STOML3: variants seen among roughly 807,000 people sequenced by gnomAD.
The protein encoded by STOML3 is stomatin like 3.
In STOML3, 31 loss-of-function variants were observed where a neutral mutation model predicts 29.5. The ratio of observed to expected loss-of-function variants is 1.05; its 90% confidence interval spans 0.79 to 1.42. The LOEUF is 1.42. Among genes scored for constraint, STOML3 ranks in the 40% most tolerant of loss-of-function variants. STOML3 has a pLI of 0.00. For missense variants in STOML3, 380 were observed against 363.0 expected (o/e 1.05, Z -0.38); for synonymous variants, 122 against 139.8 (o/e 0.87, Z 0.90).
intron 1 of STOML3, 116 bp downstream of exon 1, chr13:38,990,554 T>G (rs928065048): frequency 1.1e-5 from 11 of 979,206 alleles, no homozygotes; most frequent in Middle Eastern, 4.5e-4. Context: ...TAAATGAAAT[T>G]GAGGCCGATT....
intron 1 of STOML3, among the ~76,000 whole-genome samples, chr13:38,981,130 C>G (rs17058909): frequency 0.12 from 17,759 of 152,202 alleles, 1,443 homozygotes; most frequent in African/African-American, 0.22. Context: ...AAAGCCAACT[C>G]TTCATCTTGC....
chr13:38,988,660 T>C (rs1370982461), intron 1 of STOML3, among the ~76,000 whole-genome samples: 1 of 134,022 alleles, frequency 7.5e-6, no homozygotes, highest in Non-Finnish European at 1.6e-5. Flanking sequence ...TTATATATAT[T>C]ATATATTGAA....
At chr13:38,974,534 T>C (rs1881001291) in intron 3 of STOML3, among the ~76,000 whole-genome samples, 1 of 152,180 alleles carries the variant, frequency 6.6e-6, no homozygotes, top group Non-Finnish European at 1.5e-5. Flanking sequence ...GTAGTGAAGA[T>C]TAAGCATGAT....
intron 1 of STOML3, among the ~76,000 whole-genome samples, chr13:38,989,361 G>A (rs1381682454): frequency 6.6e-6 from 1 of 151,720 alleles, no homozygotes; most frequent in East Asian, 1.9e-4. Flanking sequence ...ATAAATAAGG[G>A]GACTCTTGAG....
chr13:38,974,479 G>C (rs142104618), intron 3 of STOML3, among the ~76,000 whole-genome samples: 3 of 152,188 alleles, frequency 2.0e-5, no homozygotes, highest in Non-Finnish European at 4.4e-5. Context: ...CTTGTGACCA[G>C]GGAAAACTCA....
intron 1 of STOML3, among the ~76,000 whole-genome samples, chr13:38,987,753 ATGTATATTATATAATATATACTATTG>A (rs1258368659): frequency 1.6e-5 from 2 of 122,576 alleles, no homozygotes; most frequent in African/African-American, 6.3e-5. Flanking sequence ...AATATATAGT[ATGTATATTATATAATATATACTATTG>A]TGTATATATT....
chr13:38,975,672 G>C (rs1881048334), intron 3 of STOML3, among the ~76,000 whole-genome samples: 1 of 152,008 alleles, frequency 6.6e-6, no homozygotes, highest in South Asian at 2.1e-4. Context: ...CCATATTTGG[G>C]AGTCAAAACA....
At chr13:38,985,379 C>T (rs911693211) in intron 1 of STOML3, among the ~76,000 whole-genome samples, 7 of 152,110 alleles carry the variant, frequency 4.6e-5, no homozygotes, top group South Asian at 2.1e-4. Context: ...GCCGAGATCG[C>T]GCTACTGCAT....
Position 38,966,805 on chromosome 13 carries a change from C to G in STOML3, c.*20G>C. 1 of 1,603,244 alleles carries G rather than the reference C, an allele frequency of 6.2e-7. No homozygotes were observed. The highest frequency in any genetic ancestry group is 8.5e-7 in the Non-Finnish European group (1 of 1,171,924). ...ATAGACACCACTCTCTATGCAATAG[C>G]TGACTACCGCAAGAGGACCTCAGGC... On this transcript the variant is annotated 3_prime_UTR_variant, in exon 7 of 7. Coordinates refer to ENST00000379631, the MANE Select transcript of STOML3 (RefSeq NM_145286.3).
At chr13:38,978,718 G>A (rs758029186) in intron 1 of STOML3, among the ~76,000 whole-genome samples, 1 of 152,086 alleles carries the variant, frequency 6.6e-6, no homozygotes, top group African/African-American at 2.4e-5. Context: ...AAACCTAAAT[G>A]ATACTACCTC....
chr13:38,973,515 G>A (rs1185044569), intron 3 of STOML3, among the ~76,000 whole-genome samples: 1 of 152,174 alleles, frequency 6.6e-6, no homozygotes, highest in Non-Finnish European at 1.5e-5. Flanking sequence ...TGTCCTGGGA[G>A]GGACATGACA....
At chr13:38,980,875 AAAC>A (rs1288789396) in intron 1 of STOML3, among the ~76,000 whole-genome samples, 1 of 152,224 alleles carries the variant, frequency 6.6e-6, no homozygotes, top group Admixed American at 6.5e-5. Context: ...GAAACAATAG[AAAC>A]AACAGATACT....
In STOML3 at chr13:38,976,680, TCCC is replaced by T. The variant is rs1313585719; in HGVS notation, c.156+11_156+13del. On this transcript the variant is annotated intron_variant, in intron 2 of 6. Coordinates refer to ENST00000379631, the MANE Select transcript of STOML3 (RefSeq NM_145286.3). Reference sequence around the variant, plus strand: ...GTTCATATAGATAGCCCAGTTTATTTCCCAGGGTGTTACCTTCAAGCACATCCA... The same window carrying T: ...GTTCATATAGATAGCCCAGTTTATTTAGGGTGTTACCTTCAAGCACATCCA... 8 of 1,613,978 alleles carry T rather than the reference TCCC, an allele frequency of 5.0e-6. No individual in the cohort carries two copies. Among genetic ancestry groups the T allele is most frequent in the Non-Finnish European group, 5.9e-6 (7 of 1,179,906 alleles).
intron 1 of STOML3, among the ~76,000 whole-genome samples, chr13:38,985,051 AT>A (rs1868454849): frequency 6.6e-6 from 1 of 152,196 alleles, no homozygotes; most frequent in Non-Finnish European, 1.5e-5. Flanking sequence ...AAAAAAGTCA[AT>A]TAACCAAAGA....
At chr13:38,977,057 T>C (rs569105002) in intron 1 of STOML3, among the ~76,000 whole-genome samples, 1 of 152,244 alleles carries the variant, frequency 6.6e-6, no homozygotes, top group South Asian at 2.1e-4. Flanking sequence ...TATTATTACA[T>C]TTTATAGGGC....
intron 3 of STOML3, among the ~76,000 whole-genome samples, chr13:38,974,150 G>C (rs1430248899): frequency 6.6e-6 from 1 of 152,120 alleles, no homozygotes; most frequent in African/African-American, 2.4e-5. Context: ...CATTAACCTG[G>C]TGAATGTTGT....
At chr13:38,974,028 C>T (rs1237696562) in intron 3 of STOML3, among the ~76,000 whole-genome samples, 2 of 152,118 alleles carry the variant, frequency 1.3e-5, no homozygotes, top group Non-Finnish European at 2.9e-5. Flanking sequence ...CAATAGCATT[C>T]TCCTGCTGTA....
At chr13:38,989,414 C>T (rs899944195) in intron 1 of STOML3, among the ~76,000 whole-genome samples, 1 of 152,130 alleles carries the variant, frequency 6.6e-6, no homozygotes, top group East Asian at 1.9e-4. Flanking sequence ...TGCCTTCAAG[C>T]TTTTCATGCC....
intron 6 of STOML3, among the ~76,000 whole-genome samples, chr13:38,967,857 C>T (rs1213320578): frequency 6.6e-6 from 1 of 152,198 alleles, no homozygotes; most frequent in South Asian, 2.1e-4. Context: ...AGAATCTCAA[C>T]AGATTTCAAG....
Sources: gnomAD v4.1 joint callset for allele counts (sites outside exome capture counted in the v4.1 genomes callset) on GRCh38, gnomAD v4.1.1 for gene constraint, MANE v1.5 for transcripts, NCBI Gene and HGNC (gene_info 2026-07-23, HGNC 2026-07-21) for gene names.